The following TAF2 variants were observed in gnomAD, a reference collection of about 807,000 sequenced individuals.
TAF2 encodes the protein TATA-box binding protein associated factor 2, also known as transcription initiation factor TFIID subunit 2.
In TAF2, 61 loss-of-function variants were observed where a neutral mutation model predicts 138.5. The observed-to-expected ratio is 0.44, with a 90% CI of 0.36 to 0.54. The LOEUF is 0.54. Among genes scored for constraint, TAF2 ranks in the 20% least tolerant of loss-of-function variants. The pLI, the probability that TAF2 is intolerant of heterozygous loss-of-function variation, is 0.00. For missense variants in TAF2, 1,090 were observed against 1,427.9 expected (o/e 0.76, Z 3.81); for synonymous variants, 475 against 469.9 (o/e 1.01, Z -0.14).
intron 2 of TAF2, among the ~76,000 whole-genome samples, chr8:119,826,195 G>A (rs1433242946): frequency 6.6e-6 from 1 of 151,526 alleles, no homozygotes; most frequent in Non-Finnish European, 1.5e-5. Context: ...AACCACCAGG[G>A]CACATGTATA....
intron 1 of TAF2, 122 bp from the exon 2 acceptor site, chr8:119,831,853 T>C: frequency 1.5e-6 from 1 of 663,748 alleles, no homozygotes; most frequent in Non-Finnish European, 2.3e-6. Flanking sequence ...TACATGTCAA[T>C]ATTTCATTTT....
At chr8:119,748,512 T>A (rs906633358) in intron 22 of TAF2, among the ~76,000 whole-genome samples, 2 of 151,724 alleles carry the variant, frequency 1.3e-5, no homozygotes, top group Admixed American at 6.6e-5. Context: ...TGCTGCTGTG[T>A]GACATACAAC....
chr8:119,766,632 ATACAAAAATTAGCTGAGTGTGG>A (rs765578179), intron 18 of TAF2, among the ~76,000 whole-genome samples: 241 of 152,242 alleles, frequency 1.6e-3, no homozygotes, highest in South Asian at 3.7e-3. Flanking sequence ...TCCACTAAAC[ATACAAAAATTAGCTGAGTGTGG>A]TACAAAAATT....
At chr8:119,775,264 A>T (rs1822142815) in intron 18 of TAF2, among the ~76,000 whole-genome samples, 1 of 145,196 alleles carries the variant, frequency 6.9e-6, no homozygotes, top group Non-Finnish European at 1.5e-5. Context: ...CTGGCAACAA[A>T]GCAAGATTCC....
At position 119,801,884 on chromosome 8, in the gene TAF2, G is replaced by C. The variant is rs377226975; in HGVS notation, c.702C>G (p.Phe234Leu). ...VYTHDMRKKT[F>L]HYMLTIPTAA... is the part of the protein sequence containing the mutation. ...CTGTAGGAATGGTAAGCATATAATG[G>C]AAAGTTTTCTTCCTCATATCATGAG... Residue 234 changes from phenylalanine (F) to leucine (L), a missense_variant, in exon 6 of 26, where the codon TTC becomes TTG. By Grantham distance (22) the Phe-to-Leu change is conservative (BLOSUM62 0). Coordinates refer to ENST00000378164, the MANE Select transcript of TAF2 (RefSeq NM_003184.4). The C allele has an allele frequency of 3.1e-6, 5 of 1,614,038 alleles. No individual in the cohort carries two copies. In the African/African-American group the frequency reaches 4.0e-5, roughly 13 times the overall value.
intron 3 of TAF2, among the ~76,000 whole-genome samples, chr8:119,811,252 TATG>T (rs1036095070): frequency 2.8e-5 from 4 of 142,652 alleles, no homozygotes; most frequent in Non-Finnish European, 6.0e-5. Flanking sequence ...ATTGAATTAA[TATG>T]ATAATCATTT....
At chr8:119,797,630 T>C in intron 7 of TAF2, 32 bp downstream of exon 7, 1 of 1,597,634 alleles carries the variant, frequency 6.3e-7, no homozygotes, top group Non-Finnish European at 8.6e-7. Flanking sequence ...ATGATCTTAA[T>C]TTAGGCATTT....
intron 19 of TAF2, among the ~76,000 whole-genome samples, chr8:119,761,384 A>G (rs1036135650): frequency 6.6e-6 from 1 of 152,238 alleles, no homozygotes; most frequent in Non-Finnish European, 1.5e-5. Flanking sequence ...ACATTTGCAT[A>G]AACAACAAAA....
rs772739868 is a variant in TAF2 at position 119,732,158 on chromosome 8, A to C, written c.3366T>G (p.Ser1122Arg). The C allele has an allele frequency of 6.2e-7, 1 of 1,614,052 alleles. No homozygotes were observed. The highest frequency in any genetic ancestry group is 2.2e-5 in the East Asian group (1 of 44,888). Residue 1122 changes from serine to arginine, a missense_variant, in exon 26 of 26, where the codon AGT becomes AGG. By Grantham distance (110) the Ser-to-Arg change is moderately radical. Coordinates refer to ENST00000378164, the MANE Select transcript of TAF2 (RefSeq NM_003184.4). ...GTGGAGCGCTTGCCGCTGGATGCATACTCATCTCCAAAGGTGCTTGTTCTT... is the reference window on the plus strand; with the variant it reads ...GTGGAGCGCTTGCCGCTGGATGCATCCTCATCTCCAAAGGTGCTTGTTCTT... ...TGKEQAPLEM[S>R]MHPAASAPLS...
intron 25 of TAF2, among the ~76,000 whole-genome samples, chr8:119,739,596 G>C (rs540112986): frequency 4.0e-5 from 6 of 151,482 alleles, no homozygotes; most frequent in Admixed American, 6.6e-5. Flanking sequence ...ATCCCTCCTA[G>C]ACAAGGTCTG....
At chr8:119,738,151 T>C (rs1194632179) in intron 25 of TAF2, among the ~76,000 whole-genome samples, 1 of 151,960 alleles carries the variant, frequency 6.6e-6, no homozygotes, top group East Asian at 1.9e-4. Context: ...TATGTTTATA[T>C]ATTCTTTTTC....
chr8:119,821,523 C>A (rs1022813821), intron 2 of TAF2, among the ~76,000 whole-genome samples: 4 of 152,314 alleles, frequency 2.6e-5, no homozygotes, highest in Middle Eastern at 3.4e-3. Context: ...CTAGTTTCCA[C>A]GACTACTTCT....
chr8:119,778,884 G>T (rs1421018706), intron 17 of TAF2, among the ~76,000 whole-genome samples: 1 of 152,160 alleles, frequency 6.6e-6, no homozygotes, highest in Non-Finnish European at 1.5e-5. Flanking sequence ...AGACATCTCA[G>T]TCTTTAGCAC....
intron 25 of TAF2, among the ~76,000 whole-genome samples, chr8:119,739,451 A>G (rs1487325860): frequency 6.6e-6 from 1 of 152,144 alleles, no homozygotes; most frequent in Non-Finnish European, 1.5e-5. Context: ...ACACCCACAT[A>G]TGATCCTGCC....
intron 18 of TAF2, among the ~76,000 whole-genome samples, chr8:119,763,576 A>C (rs1821212402): frequency 1.3e-5 from 2 of 152,034 alleles, no homozygotes; most frequent in South Asian, 4.1e-4. Flanking sequence ...CTAAAAATAC[A>C]AAAATTAGCC....
chr8:119,824,303 G>A (rs531309563), intron 2 of TAF2, among the ~76,000 whole-genome samples: 54 of 151,880 alleles, frequency 3.6e-4, no homozygotes, highest in African/African-American at 1.2e-3. Flanking sequence ...GGTGGTGGGC[G>A]CCTGTAATCC....
intron 18 of TAF2, among the ~76,000 whole-genome samples, chr8:119,772,962 CAAT>C (rs1212237726): frequency 3.4e-5 from 5 of 148,056 alleles, no homozygotes; most frequent in East Asian, 2.0e-4. Context: ...ATAATAATAA[CAAT>C]AATAATATTA....
chr8:119,804,053 A>G (rs1563904424), intron 4 of TAF2, 34 bp from the exon 5 acceptor site: 4 of 1,611,970 alleles, frequency 2.5e-6, no homozygotes, highest in Non-Finnish European at 3.4e-6. Flanking sequence ...ACATTGATAC[A>G]TAAGTTACAG....
chr8:119,736,383 C>T (rs1819225379), intron 25 of TAF2, among the ~76,000 whole-genome samples: 1 of 152,156 alleles, frequency 6.6e-6, no homozygotes. Flanking sequence ...AGAATATTTA[C>T]AAGATGAGCT....
Sources: gnomAD v4.1 joint callset for allele counts (sites outside exome capture counted in the v4.1 genomes callset) on GRCh38, gnomAD v4.1.1 for gene constraint, MANE v1.5 for transcripts, NCBI Gene and HGNC (gene_info 2026-07-23, HGNC 2026-07-21) for gene names.